Variants in GAB2 observed in about 807,000 individuals in gnomAD.
GAB2 encodes the protein GRB2 associated binding protein 2.
Under a neutral mutation model 65.5 loss-of-function variants are expected in GAB2, and 26 were observed. That is an observed-to-expected ratio of 0.40 (90% CI 0.29 to 0.55). GAB2 has a LOEUF of 0.55. Among genes scored for constraint, GAB2 ranks in the 20% least tolerant of loss-of-function variants. The pLI is 0.53. For synonymous variants in GAB2, 321 were observed against 329.6 expected (o/e 0.97, Z 0.28); for missense variants, 884 against 875.8 (o/e 1.01, Z -0.12).
chr11:78,313,503 G>A (rs1347407399), intron 1 of GAB2, among the ~76,000 whole-genome samples: 1 of 152,112 alleles, frequency 6.6e-6, no homozygotes, highest in Non-Finnish European at 1.5e-5. Flanking sequence ...ATAGAACTCT[G>A]GTATTGCCCC....
At chr11:78,373,997 G>A (rs1289848688) in intron 1 of GAB2, among the ~76,000 whole-genome samples, 4 of 152,214 alleles carry the variant, frequency 2.6e-5, no homozygotes, top group African/African-American at 7.2e-5. Context: ...CTGGAAACCT[G>A]AGACTTTACA....
intron 4 of GAB2, among the ~76,000 whole-genome samples, chr11:78,225,616 A>C (rs1322034126): frequency 6.6e-6 from 1 of 152,240 alleles, no homozygotes; most frequent in Admixed American, 6.5e-5. Flanking sequence ...GTATGTCTTT[A>C]TCATCTCAGT....
At chr11:78,324,443 A>T (rs1358208736) in intron 1 of GAB2, among the ~76,000 whole-genome samples, 1 of 152,218 alleles carries the variant, frequency 6.6e-6, no homozygotes, top group African/African-American at 2.4e-5. Context: ...TTAAATATTT[A>T]ACATTCCACT....
chr11:78,221,815 T>G, intron 7 of GAB2, 36 bp from the exon 8 acceptor site: 1 of 1,434,664 alleles, frequency 7.0e-7, no homozygotes, highest in Non-Finnish European at 9.8e-7. Flanking sequence ...CTGGGGAAGC[T>G]GCATGGCTGC....
At chr11:78,269,284 G>C (rs957184365) in intron 2 of GAB2, among the ~76,000 whole-genome samples, 1 of 152,144 alleles carries the variant, frequency 6.6e-6, no homozygotes, top group African/African-American at 2.4e-5. Flanking sequence ...CCCCAGAGGA[G>C]TTGGTCTGAT....
chr11:78,324,517 A>C (rs1204483295), intron 1 of GAB2, among the ~76,000 whole-genome samples: 2 of 152,212 alleles, frequency 1.3e-5, no homozygotes, highest in East Asian at 3.8e-4. Flanking sequence ...ATAATGGAAA[A>C]AGAAAGGTGC....
intron 1 of GAB2, among the ~76,000 whole-genome samples, chr11:78,358,483 CAAAAA>C (rs59495222): frequency 1.9e-5 from 2 of 106,240 alleles, no homozygotes; most frequent in Admixed American, 9.6e-5. Context: ...ATAAAGTGAC[CAAAAA>C]AAAAAAAAAG....
intron 2 of GAB2, among the ~76,000 whole-genome samples, chr11:78,277,006 A>G (rs1287906162): frequency 6.6e-6 from 1 of 152,016 alleles, no homozygotes; most frequent in African/African-American, 2.4e-5. Flanking sequence ...TTTAGTAGAG[A>G]TGGGGTTTCA....
chr11:78,231,569 C>T (rs1296247280), intron 3 of GAB2, among the ~76,000 whole-genome samples: 3 of 152,130 alleles, frequency 2.0e-5, no homozygotes, highest in African/African-American at 7.2e-5. Flanking sequence ...ATGCTGGTCT[C>T]GAACTCCTGA....
intron 2 of GAB2, among the ~76,000 whole-genome samples, chr11:78,271,777 G>A (rs915740016): frequency 3.3e-5 from 5 of 152,208 alleles, no homozygotes; most frequent in Non-Finnish European, 5.9e-5. Flanking sequence ...TGGATCACTT[G>A]AGCCCAGGAG....
chr11:78,303,943 C>T (rs1855294792), intron 1 of GAB2, among the ~76,000 whole-genome samples: 1 of 152,002 alleles, frequency 6.6e-6, no homozygotes, highest in Admixed American at 6.6e-5. Flanking sequence ...TCAGTTATAT[C>T]CAAAGCACTG....
At chr11:78,256,990 A>C (rs910078303) in intron 2 of GAB2, among the ~76,000 whole-genome samples, 1 of 151,414 alleles carries the variant, frequency 6.6e-6, no homozygotes. Context: ...GCCTGAGTCA[A>C]TCTATTTTCT....
chr11:78,227,933 T>A (rs1444727635), intron 3 of GAB2, among the ~76,000 whole-genome samples: 1 of 152,196 alleles, frequency 6.6e-6, no homozygotes, highest in Non-Finnish European at 1.5e-5. Context: ...GACCTAGAAA[T>A]CTATATGAAG....
At chr11:78,270,227 C>T (rs1169529916) in intron 2 of GAB2, among the ~76,000 whole-genome samples, 5 of 151,542 alleles carry the variant, frequency 3.3e-5, no homozygotes, top group African/African-American at 7.3e-5. Context: ...CTCAGGAGGC[C>T]GAGGCAGGAG....
chr11:78,384,331 T>C (rs1856738059), intron 1 of GAB2, among the ~76,000 whole-genome samples: 1 of 152,018 alleles, frequency 6.6e-6, no homozygotes, highest in Non-Finnish European at 1.5e-5. Flanking sequence ...ACAAATCGAG[T>C]GTCTCAGTCC....
intron 3 of GAB2, among the ~76,000 whole-genome samples, chr11:78,247,288 A>T (rs1168649804): frequency 6.6e-6 from 1 of 152,174 alleles, no homozygotes; most frequent in Non-Finnish European, 1.5e-5. Flanking sequence ...TTTTAGTTGT[A>T]ATCAGTGGGA....
chr11:78,293,367 A>G (rs1406357957), intron 1 of GAB2, among the ~76,000 whole-genome samples: 1 of 152,194 alleles, frequency 6.6e-6, no homozygotes, highest in East Asian at 1.9e-4. Context: ...AGGACTTGAT[A>G]CTTCCAAAGC....
At chr11:78,227,344 C>CA (rs950395807) in intron 3 of GAB2, among the ~76,000 whole-genome samples, 13 of 152,246 alleles carry the variant, frequency 8.5e-5, no homozygotes, top group Admixed American at 3.3e-4. Context: ...TTAAGTACCG[C>CA]AGAATATGCA....
intron 5 of GAB2, among the ~76,000 whole-genome samples, chr11:78,224,809 T>TA (rs1864573448): frequency 6.6e-6 from 1 of 152,078 alleles, no homozygotes; most frequent in South Asian, 2.1e-4. Flanking sequence ...GTTGCTGTCT[T>TA]AGAGGTTCCC....
Sources: allele counts gnomAD v4.1 joint callset (sites outside exome capture counted in the v4.1 genomes callset), GRCh38; gene constraint gnomAD v4.1.1; transcripts MANE v1.5; gene names NCBI Gene and HGNC (gene_info 2026-07-23, HGNC 2026-07-21).